The following KDM5B variants were observed in gnomAD, a reference collection of about 807,000 sequenced individuals.
The protein encoded by KDM5B is lysine-specific demethylase 5B.
In KDM5B, 144 loss-of-function variants were observed where a neutral mutation model predicts 193.4. The observed-to-expected ratio is 0.74, with a 90% CI of 0.65 to 0.86. KDM5B has a LOEUF of 0.86. Among genes scored for constraint, KDM5B ranks in the 40% least tolerant of loss-of-function variants. KDM5B has a pLI of 0.00. For synonymous variants in KDM5B, 668 were observed against 682.6 expected (o/e 0.98, Z 0.33); for missense variants, 1,833 against 1,886.9 (o/e 0.97, Z 0.53).
chr1:202,742,286 T>C, intron 18 of KDM5B, 105 bp downstream of exon 18: 2 of 755,434 alleles, frequency 2.6e-6, no homozygotes, highest in East Asian at 2.7e-5. Flanking sequence ...TGCAAATAAA[T>C]GTACATATTA....
intron 23 of KDM5B, among the ~76,000 whole-genome samples, chr1:202,732,704 T>C (rs1654933335): frequency 6.6e-6 from 1 of 152,188 alleles, no homozygotes; most frequent in South Asian, 2.1e-4. Context: ...ACAAGAGAGT[T>C]GTGGTATCTC....
chr1:202,799,375 CG>C (rs1657982780), intron 1 of KDM5B, among the ~76,000 whole-genome samples: 1 of 151,864 alleles, frequency 6.6e-6, no homozygotes, highest in Non-Finnish European at 1.5e-5. Context: ...AATTTTAACC[CG>C]GGCGCGGTGG....
intron 9 of KDM5B, among the ~76,000 whole-genome samples, chr1:202,756,772 A>G (rs927809983): frequency 5.9e-5 from 9 of 152,252 alleles, no homozygotes; most frequent in African/African-American, 2.2e-4. Flanking sequence ...TCTGTGTTTC[A>G]AAAAATGTAA....
Position 202,783,585 on chromosome 1 carries a change from T to G in KDM5B, c.205-6491A>C, listed in dbSNP as rs534332643. Among the ~76,000 whole-genome samples the G allele has an allele frequency of 9.1e-4, 138 of 152,260 alleles. 2 individuals are homozygous for G. The highest frequency in any genetic ancestry group is 1.4e-3 in the Non-Finnish European group (93 of 68,014). On this transcript the variant is annotated intron_variant, in intron 1 of 26. Transcript: ENST00000367265. ...AGATAAAGTACAAGAACCTTATTATTTAAAAGTTCAGGCCGGGTGCAGTGG... is the reference window on the plus strand; with the variant it reads ...AGATAAAGTACAAGAACCTTATTATGTAAAAGTTCAGGCCGGGTGCAGTGG...
At chr1:202,740,135 C>A (rs1373808276) in intron 20 of KDM5B, among the ~76,000 whole-genome samples, 2 of 132,824 alleles carry the variant, frequency 1.5e-5, no homozygotes, top group African/African-American at 2.8e-5. Flanking sequence ...CCGGACGGGG[C>A]GGCTGGCCGG....
chr1:202,776,973 T>TC, intron 2 of KDM5B, 44 bp downstream of exon 2: 1 of 1,183,874 alleles, frequency 8.4e-7, no homozygotes, highest in Non-Finnish European at 1.3e-6. Flanking sequence ...TCAAAGACGG[T>TC]CCCCCTGGAA....
In KDM5B at chr1:202,747,568, TTA is replaced by T. The variant is rs1491539720; in HGVS notation, c.2017-1247_2017-1246del. ...ATTCTACCCAAAAAGGCACATATTT[TTA>T]AAAAAAAAAAAAAAAACAGTATTAC... On this transcript the variant is annotated intron_variant, in intron 14 of 26. Coordinates refer to ENST00000367265, the MANE Select transcript of KDM5B (RefSeq NM_006618.5). 2.7e-3 allele frequency among the ~76,000 whole-genome samples: 386 copies of T among 141,592 alleles called. 1 individual carries two copies. Among genetic ancestry groups the T allele is most frequent in the Middle Eastern group, 7.2e-3 (2 of 276 alleles). The allele number at this position is 141,592 out of a possible 152,430, so 92.9% of individuals were successfully genotyped here.
In KDM5B at chr1:202,733,511, G is replaced by A. The variant is rs1270198556; in HGVS notation, c.3799C>T (p.Gln1267Ter). ...AGATTCCCTGACGAAAGCAGTTGCTGGGCTCTGTGCTGCCAGTTCACGGTT... is the reference window on the plus strand; with the variant it reads ...AGATTCCCTGACGAAAGCAGTTGCTAGGCTCTGTGCTGCCAGTTCACGGTT... ...ERTVNWQHRA[Q>*]QLLSSGNLKF... Residue 1267 changes from glutamine to a stop codon, truncating the protein, a stop_gained, in exon 23 of 27, where the codon CAG (glutamine) becomes TAG (stop). Coordinates refer to ENST00000367265, the MANE Select transcript of KDM5B (RefSeq NM_006618.5). LOFTEE classifies it high-confidence loss of function. 1 of 1,614,002 alleles carries A rather than the reference G, an allele frequency of 6.2e-7. No individual in the cohort carries two copies. The highest frequency in any genetic ancestry group is 8.5e-7 in the Non-Finnish European group (1 of 1,180,018).
intron 1 of KDM5B, among the ~76,000 whole-genome samples, chr1:202,802,366 A>G (rs886871029): frequency 6.6e-6 from 1 of 151,832 alleles, no homozygotes; most frequent in African/African-American, 2.4e-5. Context: ...AATAGTTTAC[A>G]CTGTTTTTTT....
At position 202,752,957 on chromosome 1, in the gene KDM5B, T is replaced by C; in HGVS notation, c.1649A>G (p.His550Arg). ...ELFVSQPDLLHQLVTIMNPNT... is the reference protein window; with the variant it reads ...ELFVSQPDLLRQLVTIMNPNT... ...GGGGTTCATGATGGTCACAAGCTGA[T>C]GGAGGAGATCCGGCTGGGACACAAA... Residue 550 changes from histidine (H) to arginine (R), a missense_variant, in exon 12 of 27, where the codon CAT becomes CGT. Around this residue, in one of 3 missense-constraint regions of KDM5B, gnomAD observed 1,379 missense variants for 1,349.6 expected, o/e 1.02. Transcript: ENST00000367265. 6.2e-7 allele frequency: 1 copy of C among 1,614,174 alleles called. No individual in the cohort carries two copies. Among genetic ancestry groups the C allele is most frequent in the Non-Finnish European group, 8.5e-7 (1 of 1,180,030 alleles).
At chr1:202,749,844 A>G (rs1558490971) in intron 13 of KDM5B, among the ~76,000 whole-genome samples, 1 of 152,202 alleles carries the variant, frequency 6.6e-6, no homozygotes, top group South Asian at 2.1e-4. Context: ...ATAAGTATAG[A>G]TATAGCAAGT....
chr1:202,755,220 T>C (rs1340335516), intron 11 of KDM5B, 51 bp downstream of exon 11: 3 of 1,452,016 alleles, frequency 2.1e-6, no homozygotes, highest in Non-Finnish European at 1.9e-6. Context: ...AAAGGAAAGT[T>C]TTCCTATCCA....
chr1:202,757,428 A>G (rs1026547086), intron 9 of KDM5B, among the ~76,000 whole-genome samples: 2 of 152,222 alleles, frequency 1.3e-5, no homozygotes, highest in African/African-American at 4.8e-5. Context: ...AATCTGGTGT[A>G]AATCCAGAGG....
rs140593802 is a variant in KDM5B, at chr1:202,748,013, T to C, written c.2016+932A>G. Among the ~76,000 whole-genome samples, 662 of 152,242 alleles carry C rather than the reference T, an allele frequency of 4.3e-3. 5 individuals are homozygous for C. Among genetic ancestry groups the C allele is most frequent in the African/African-American group, 0.015 (629 of 41,558 alleles). Reference sequence around the variant, plus strand: ...CATACTACCTGATTTCAAGACTTCTTAGAAAGCTACAATAATCAAGACCAT... The same window carrying C: ...CATACTACCTGATTTCAAGACTTCTCAGAAAGCTACAATAATCAAGACCAT... On this transcript the variant is annotated intron_variant, in intron 14 of 26. Transcript: ENST00000367265.
At chr1:202,733,956 A>G in intron 22 of KDM5B, 70 bp from the exon 23 acceptor site, 3 of 1,517,374 alleles carry the variant, frequency 2.0e-6, no homozygotes, top group Non-Finnish European at 2.7e-6. Flanking sequence ...TCAGAGTCCT[A>G]GTGGTTAAGA....
chr1:202,741,302 G>T, intron 19 of KDM5B, 65 bp downstream of exon 19: 1 of 1,166,020 alleles, frequency 8.6e-7, no homozygotes, highest in Non-Finnish European at 1.2e-6. Context: ...CAATCATTGT[G>T]CTCTGTGTTT....
chr1:202,779,592 G>A (rs1657108912), intron 1 of KDM5B, among the ~76,000 whole-genome samples: 1 of 152,072 alleles, frequency 6.6e-6, no homozygotes, highest in Non-Finnish European at 1.5e-5. Flanking sequence ...GATCACCTGA[G>A]GTCAGGAGAC....
At chr1:202,762,211 C>T (rs796734694) in intron 7 of KDM5B, among the ~76,000 whole-genome samples, 14 of 152,236 alleles carry the variant, frequency 9.2e-5, no homozygotes, top group African/African-American at 3.4e-4. Flanking sequence ...TCCTTTTCTT[C>T]CTTCCTTCTC....
At chr1:202,737,211 A>G (rs1655129802) in intron 20 of KDM5B, among the ~76,000 whole-genome samples, 1 of 152,234 alleles carries the variant, frequency 6.6e-6, no homozygotes, top group South Asian at 2.1e-4. Flanking sequence ...TCAGGAAACT[A>G]AAATATAAGT....
Sources: gnomAD v4.1 joint callset for allele counts (sites outside exome capture counted in the v4.1 genomes callset) on GRCh38, gnomAD v4.1.1 for gene constraint, gnomAD v4.1.1 regional missense constraint, MANE v1.5 for transcripts, NCBI Gene and HGNC (gene_info 2026-07-23, HGNC 2026-07-21) for gene names.